Variants in EIPR1 observed in about 807,000 individuals in gnomAD.
EIPR1 encodes EARP complex and GARP complex interacting protein 1.
EIPR1 carries 25 observed loss-of-function variants against 48.1 expected under a neutral mutation model. That is an observed-to-expected ratio of 0.52 (90% CI 0.38 to 0.73). The LOEUF (loss-of-function observed/expected upper bound fraction) is 0.73, where lower values mean the gene tolerates loss of function less well. Among genes scored for constraint, EIPR1 ranks in the 30% least tolerant of loss-of-function variants. EIPR1 has a pLI of 0.00. For missense variants in EIPR1, 415 were observed against 506.2 expected (o/e 0.82, Z 1.73); for synonymous variants, 204 against 201.9 (o/e 1.01, Z -0.09).
intron 2 of EIPR1, among the ~76,000 whole-genome samples, chr2:3,353,619 T>C (rs888464630): frequency 9.9e-5 from 15 of 152,214 alleles, no homozygotes; most frequent in African/African-American, 2.9e-4. Flanking sequence ...ATAAGTATCA[T>C]TATAATTAAT....
intron 1 of EIPR1, among the ~76,000 whole-genome samples, chr2:3,361,341 ACTCACTTCACAGGT>A (rs1331244588): frequency 6.6e-6 from 1 of 151,956 alleles, no homozygotes; most frequent in Non-Finnish European, 1.5e-5. Context: ...CAAGGAAAGA[ACTCACTTCACAGGT>A]CCCCAAGGAA....
intron 3 of EIPR1, among the ~76,000 whole-genome samples, chr2:3,277,697 T>C (rs1297687245): frequency 6.6e-6 from 1 of 152,154 alleles, no homozygotes; most frequent in African/African-American, 2.4e-5. Context: ...TGAGTGGGGG[T>C]CCCTGCCAGG....
At position 3,377,802 on chromosome 2, in the gene EIPR1, G is replaced by T; in HGVS notation, c.-113C>A. The T allele has an allele frequency of 8.4e-7, 1 of 1,192,140 alleles. No individual in the cohort carries two copies. The highest frequency in any genetic ancestry group is 1.2e-6 in the Non-Finnish European group (1 of 846,268). The allele number at this position is 1,192,140 out of a possible 1,614,324, so 73.8% of individuals were successfully genotyped here. ...AGCGCCCATTCATTCCCTCCCCGCA[G>T]CAAACGACTCCAAACTGGAAGTCTT... On this transcript the variant is annotated 5_prime_UTR_variant, in exon 1 of 9. The change creates a new upstream start codon in the 5' untranslated region. Transcript: ENST00000382125.
intron 3 of EIPR1, among the ~76,000 whole-genome samples, chr2:3,330,021 A>G (rs921360092): frequency 1.6e-4 from 25 of 151,678 alleles, no homozygotes; most frequent in Admixed American, 1.4e-3. Flanking sequence ...TGACAGTTCC[A>G]TGACCATTCT....
chr2:3,301,467 G>A (rs1244401873), intron 3 of EIPR1: 1 of 151,992 alleles, frequency 6.6e-6, no homozygotes, highest in Admixed American at 6.6e-5. Context: ...GCCTGCCAGG[G>A]GACAGCCATC....
chr2:3,257,685 A>C (rs1667204276), intron 3 of EIPR1: 1 of 414,548 alleles, frequency 2.4e-6, no homozygotes, highest in Non-Finnish European at 4.3e-6. Flanking sequence ...TCTTTGTTTT[A>C]AAAACCATCA....
chr2:3,274,638 T>TAAA (rs958106237), intron 3 of EIPR1, among the ~76,000 whole-genome samples: 21 of 144,932 alleles, frequency 1.4e-4, no homozygotes, highest in Admixed American at 2.7e-4. Context: ...AATTCGAAGT[T>TAAA]AAAAAAAAAA....
At chr2:3,343,852 T>C (rs555033628) in intron 2 of EIPR1, among the ~76,000 whole-genome samples, 4 of 152,218 alleles carry the variant, frequency 2.6e-5, no homozygotes, top group African/African-American at 9.6e-5. Flanking sequence ...GCCATCGCAC[T>C]GTCCATTTCA....
chr2:3,257,641 A>G lies in EIPR1; in HGVS notation c.260-186T>C, dbSNP rs1031333189. On this transcript the variant is annotated intron_variant, in intron 3 of 8. Coordinates refer to ENST00000382125, the MANE Select transcript of EIPR1 (RefSeq NM_003310.5). Reference sequence around the variant, plus strand: ...CCTGAGTCGGCAGGCAGAACCCGGCACGGTTCGTAATCAGCATCCTGTTCC... The same window carrying G: ...CCTGAGTCGGCAGGCAGAACCCGGCGCGGTTCGTAATCAGCATCCTGTTCC... The G allele has an allele frequency of 7.3e-6, 4 of 546,698 alleles. No individual in the cohort carries two copies. In the Admixed American group the frequency reaches 1.1e-4, roughly 15 times the overall value. 33.9% of individuals were successfully genotyped at this position (546,698 alleles called of 1,614,324 possible). A position where few individuals can be genotyped will look rare whatever the true frequency, so the allele number is the denominator to read the frequency against.
chr2:3,233,187 ATTAATG>A (rs1666295978), intron 4 of EIPR1, among the ~76,000 whole-genome samples: 1 of 152,076 alleles, frequency 6.6e-6, no homozygotes, highest in South Asian at 2.1e-4. Context: ...TGATCAGGCT[ATTAATG>A]TTATTCTGCA....
At chr2:3,214,373 AT>A in intron 4 of EIPR1, 125 bp from the exon 5 acceptor site, 1 of 810,112 alleles carries the variant, frequency 1.2e-6, no homozygotes, top group Non-Finnish European at 2.0e-6. Flanking sequence ...TCACTAGAGT[AT>A]TTTTTACACT....
chr2:3,354,659 C>G (rs1182280473), intron 1 of EIPR1, 26 bp from the exon 2 acceptor site: 1 of 1,606,052 alleles, frequency 6.2e-7, no homozygotes, highest in African/African-American at 1.3e-5. Context: ...AAAACACATG[C>G]ACATTTATGA....
intron 3 of EIPR1, among the ~76,000 whole-genome samples, chr2:3,305,024 T>C (rs113669605): frequency 0.14 from 2,407 of 17,524 alleles, 20 homozygotes; most frequent in African/African-American, 0.15. Flanking sequence ...CCTCCACTCC[T>C]GTCCAGTTCA....
chr2:3,350,167 T>C (rs1395689795), intron 2 of EIPR1, among the ~76,000 whole-genome samples: 1 of 126,248 alleles, frequency 7.9e-6, no homozygotes, highest in Non-Finnish European at 1.7e-5. Flanking sequence ...GGGTAGTTTA[T>C]AAAGAAAAGA....
At chr2:3,309,839 CAT>C (rs1276429962) in intron 3 of EIPR1, among the ~76,000 whole-genome samples, 3 of 152,170 alleles carry the variant, frequency 2.0e-5, no homozygotes, top group South Asian at 2.1e-4. Flanking sequence ...AGGAGGTAAT[CAT>C]GTGGGAGAGA....
chr2:3,306,876 T>C (rs1284843399), intron 3 of EIPR1, among the ~76,000 whole-genome samples: 7 of 152,200 alleles, frequency 4.6e-5, no homozygotes, highest in Non-Finnish European at 7.3e-5. Flanking sequence ...TGTATAGTTA[T>C]AGAGTCAAAA....
intron 1 of EIPR1, among the ~76,000 whole-genome samples, chr2:3,368,847 C>A (rs146747052): frequency 9.7e-4 from 147 of 152,300 alleles, no homozygotes; most frequent in African/African-American, 3.4e-3. Flanking sequence ...AATCCAGAAT[C>A]ATTACCATGA....
At chr2:3,285,032 A>G (rs76593522) in intron 3 of EIPR1, among the ~76,000 whole-genome samples, 7 of 152,312 alleles carry the variant, frequency 4.6e-5, no homozygotes, top group East Asian at 1.9e-4. Flanking sequence ...ATGTCCCCCA[A>G]TGGAGAAGTG....
chr2:3,274,032 G>A (rs1053564283), intron 3 of EIPR1, among the ~76,000 whole-genome samples: 2 of 152,202 alleles, frequency 1.3e-5, no homozygotes, highest in Non-Finnish European at 2.9e-5. Context: ...AGAAGTCTCT[G>A]TTGGCAATTT....
Sources: gnomAD v4.1 joint callset for allele counts (sites outside exome capture counted in the v4.1 genomes callset) on GRCh38, gnomAD v4.1.1 for gene constraint, MANE v1.5 for transcripts, NCBI Gene and HGNC (gene_info 2026-07-23, HGNC 2026-07-21) for gene names.